Variants in C19orf38 observed in about 807,000 individuals in gnomAD.
The protein encoded by C19orf38 is chromosome 19 open reading frame 38.
Under a neutral mutation model 26.6 loss-of-function variants are expected in C19orf38, and 14 were observed. The ratio of observed to expected loss-of-function variants is 0.53; its 90% CI spans 0.35 to 0.82. The LOEUF (loss-of-function observed/expected upper bound fraction) is 0.82. Ranked by LOEUF, C19orf38 falls within the 40% of genes least tolerant of loss-of-function variation. The pLI is 0.01. For missense variants in C19orf38, 261 were observed against 299.5 expected, an observed-to-expected ratio of 0.87 and a Z score of 0.95; for synonymous variants, 132 against 128.5, an observed-to-expected ratio of 1.03 and a Z score of -0.18.
chr19:10,869,474 G>C lies in C19orf38; in HGVS notation c.*107G>C. ...AGCCACTTTCTCAGGGAATTGGACAGAGGAAAGGAAGGGGAACCCTGGCCT... is the reference window on the plus strand; with the variant it reads ...AGCCACTTTCTCAGGGAATTGGACACAGGAAAGGAAGGGGAACCCTGGCCT... On this transcript the variant is annotated 3_prime_UTR_variant, in exon 7 of 7. Coordinates refer to ENST00000397820, the MANE Select transcript of C19orf38 (RefSeq NM_001136482.3). The C allele has an allele frequency of 7.2e-7, 1 of 1,385,790 alleles. No homozygotes were observed. Among genetic ancestry groups the C allele is most frequent in the South Asian group, 1.5e-5 (1 of 66,218 alleles). The allele number at this position is 1,385,790 out of a possible 1,614,324, so 85.8% of individuals were successfully genotyped here. A position where few individuals can be genotyped will look rare whatever the true frequency, so the allele number is the denominator to read the frequency against.
chr19:10,852,451 G>T (rs2073582451), intron 2 of C19orf38, among the ~76,000 whole-genome samples: 1 of 152,244 alleles, frequency 6.6e-6, no homozygotes, highest in South Asian at 2.1e-4. Context: ...ATTATTTGAA[G>T]TAGAGTAGGG....
chr19:10,847,605 G>A (rs1200722547), upstream of C19orf38, among the ~76,000 whole-genome samples: 1 of 151,846 alleles, frequency 6.6e-6, no homozygotes, highest in South Asian at 2.1e-4. Context: ...CTGACCTCAG[G>A]TGATCTGCCC....
chr19:10,850,600 G>A (rs1200872317), intron 2 of C19orf38, 33 bp downstream of exon 2: 1 of 1,547,306 alleles, frequency 6.5e-7, no homozygotes, highest in South Asian at 1.2e-5. Flanking sequence ...CACTGCCGGG[G>A]GCTTAATTTT....
Position 10,838,469 on chromosome 19 carries a change from C to T in C19orf38, c.-69+1699C>T, listed in dbSNP as rs922714939. Among the ~76,000 whole-genome samples, 4 of 152,094 alleles carry T rather than the reference C, an allele frequency of 2.6e-5. 1 individual carries two copies. Among genetic ancestry groups the T allele is most frequent in the South Asian group, 4.1e-4 (2 of 4,830 alleles). ...CAATTCAGTGGCATTTAGTACATTC[C>T]AGTGTTGTGCAGTGACTTCTATGTA... is the stretch of plus-strand genomic sequence containing the variant. On this transcript the variant is annotated intron_variant, in intron 1 of 7. Transcript: ENST00000592854.
chr19:10,837,494 T>G (rs2073443045), intron 1 of C19orf38, among the ~76,000 whole-genome samples: 1 of 147,936 alleles, frequency 6.8e-6, no homozygotes, highest in Non-Finnish European at 1.5e-5. Context: ...TTTTTTTAAT[T>G]TTTTTTTCCT....
rs373588413 is a variant in C19orf38 at position 10,850,269 on chromosome 19, G to A, written c.42G>A (p.Ala14=). ...CCCTCTGCATTGCAGGCTCCTTGGC[G>A]ATCCCAGCACCATCCATCCGGCTGG... is the stretch of plus-strand genomic sequence containing the variant. ...TILLFAAGSL[A]IPAPSIRLVP... The change falls in exon 2 of 7, where the codon GCG becomes GCA. Residue 14 remains alanine (A), a synonymous_variant. Transcript: ENST00000397820. The A allele has an allele frequency of 9.7e-6, 15 of 1,549,540 alleles. No individual in the cohort carries two copies. Among genetic ancestry groups the A allele is most frequent in the African/African-American group, 5.5e-5 (4 of 72,896 alleles).
chr19:10,839,805 C>T (rs1271270860), intron 1 of C19orf38, among the ~76,000 whole-genome samples: 1 of 151,118 alleles, frequency 6.6e-6, no homozygotes, highest in Non-Finnish European at 1.5e-5. Context: ...CACAGCTCAC[C>T]GCACCCTCCA....
upstream of C19orf38, among the ~76,000 whole-genome samples, chr19:10,846,225 C>T (rs2073515961): frequency 6.6e-6 from 1 of 151,390 alleles, no homozygotes; most frequent in South Asian, 2.1e-4. Context: ...GAGACAGAGT[C>T]TCGCTCTGTT....
intron 1 of C19orf38, among the ~76,000 whole-genome samples, chr19:10,839,252 G>A (rs781240625): frequency 1.4e-4 from 22 of 152,150 alleles, no homozygotes; most frequent in Non-Finnish European, 2.6e-4. Flanking sequence ...GCAAAAAAGG[G>A]GAGATGGAGC....
At chr19:10,841,746 G>A in intron 1 of C19orf38, 1 of 705,316 alleles carries the variant, frequency 1.4e-6, no homozygotes, top group East Asian at 2.6e-5. Context: ...GCCAAGTTGG[G>A]AGGATCTCTT....
At chr19:10,860,493 C>G (rs1425318920) in intron 5 of C19orf38, among the ~76,000 whole-genome samples, 1 of 142,456 alleles carries the variant, frequency 7.0e-6, no homozygotes, top group East Asian at 2.1e-4. Context: ...TGAGATTGCG[C>G]CACTGCACTC....
upstream of C19orf38, among the ~76,000 whole-genome samples, chr19:10,843,602 T>C: frequency 6.6e-6 from 1 of 151,016 alleles, no homozygotes; most frequent in African/African-American, 2.4e-5. Flanking sequence ...TGCTCAGTAC[T>C]CAGTTGGTGG....
chr19:10,851,911 T>C (rs1350601785), intron 2 of C19orf38, among the ~76,000 whole-genome samples: 1 of 142,966 alleles, frequency 7.0e-6, no homozygotes, highest in African/African-American at 2.6e-5. Context: ...GAGCTTGCAG[T>C]GAGCCGAGAT....
intron 2 of C19orf38, among the ~76,000 whole-genome samples, chr19:10,851,396 A>C (rs1286938466): frequency 4.0e-5 from 6 of 148,750 alleles, no homozygotes; most frequent in African/African-American, 1.5e-4. Context: ...ACTAGAGGGC[A>C]ATGGCACAAT....
At chr19:10,856,653 A>G (rs1481806812) in intron 3 of C19orf38, among the ~76,000 whole-genome samples, 1 of 149,912 alleles carries the variant, frequency 6.7e-6, no homozygotes, top group Non-Finnish European at 1.5e-5. Flanking sequence ...ACAGGCGTGC[A>G]CCACCATGCC....
At chr19:10,848,139 C>T (rs542394740), upstream of C19orf38, among the ~76,000 whole-genome samples, 16 of 152,120 alleles carry the variant, frequency 1.1e-4, no homozygotes, top group South Asian at 2.1e-4. Flanking sequence ...TGCAGTGAGC[C>T]GAGATCGCTC....
At chr19:10,848,277 G>A (rs544038086), upstream of C19orf38, 24 of 523,106 alleles carry the variant, frequency 4.6e-5, no homozygotes, top group Admixed American at 1.2e-4. Flanking sequence ...CTGCAGAACC[G>A]CAACCAGAGA....
intron 4 of C19orf38, 149 bp downstream of exon 4, chr19:10,858,492 CTGTG>C: frequency 5.3e-6 from 4 of 748,382 alleles, no homozygotes; most frequent in Non-Finnish European, 8.7e-6. Context: ...TAAGTGCCTC[CTGTG>C]TGCTGGAGGA....
upstream of C19orf38, among the ~76,000 whole-genome samples, chr19:10,846,298 G>A (rs904821864): frequency 2.0e-5 from 3 of 151,434 alleles, no homozygotes; most frequent in Admixed American, 6.6e-5. Context: ...CCGGGTTCAC[G>A]CCATTCTCCA....
Sources: allele counts gnomAD v4.1 joint callset (sites outside exome capture counted in the v4.1 genomes callset), GRCh38; gene constraint gnomAD v4.1.1; transcripts MANE v1.5; gene names NCBI Gene and HGNC (gene_info 2026-07-23, HGNC 2026-07-21).